The following MTDH variants were observed in gnomAD, a reference collection of about 807,000 sequenced individuals.
MTDH encodes metadherin.
In MTDH, 34 loss-of-function variants were observed where a neutral mutation model predicts 72.7. That is an observed-to-expected ratio of 0.47 (90% CI 0.36 to 0.62). The LOEUF is 0.62. Ranked by LOEUF, MTDH falls within the 20% of genes least tolerant of loss-of-function variation. The pLI, the probability that MTDH is intolerant of heterozygous loss-of-function variation, is 0.00. For synonymous variants in MTDH, 266 were observed against 268.9 expected, an observed-to-expected ratio of 0.99 and a Z score of 0.10; for missense variants, 677 against 699.4, an observed-to-expected ratio of 0.97 and a Z score of 0.36.
In MTDH at chr8:97,644,443, C is replaced by T. The variant is rs937590934; in HGVS notation, c.-64C>T. 1.3e-6 allele frequency: 2 copies of T among 1,510,112 alleles called. No individual in the cohort carries two copies. Among genetic ancestry groups the T allele is most frequent in the African/African-American group, 1.4e-5 (1 of 69,834 alleles). 93.5% of individuals were successfully genotyped at this position (1,510,112 alleles called of 1,614,324 possible). A position where few individuals can be genotyped will look rare whatever the true frequency, so the allele number is the denominator to read the frequency against. On this transcript the variant is annotated 5_prime_UTR_variant, in exon 1 of 12. Transcript: ENST00000336273. Reference sequence around the variant, plus strand: ...CGGCCCGGCCCTTCCTCGCTTCCCTCGACTATTCCACTGCGTCTCCGCGCC... The same window carrying T: ...CGGCCCGGCCCTTCCTCGCTTCCCTTGACTATTCCACTGCGTCTCCGCGCC...
intron 2 of MTDH, among the ~76,000 whole-genome samples, chr8:97,665,797 A>G (rs866390160): frequency 6.6e-6 from 1 of 152,220 alleles, no homozygotes; most frequent in Non-Finnish European, 1.5e-5. Context: ...ACTGGCAGCA[A>G]CATTGATGAT....
At chr8:97,655,111 T>G (rs1261096035) in intron 1 of MTDH, among the ~76,000 whole-genome samples, 1 of 151,958 alleles carries the variant, frequency 6.6e-6, no homozygotes, top group East Asian at 1.9e-4. Context: ...AAGAAAAAAA[T>G]AAAAATGAAA....
chr8:97,646,889 T>C (rs1287608977), intron 1 of MTDH, among the ~76,000 whole-genome samples: 2 of 152,212 alleles, frequency 1.3e-5, no homozygotes, highest in Non-Finnish European at 2.9e-5. Flanking sequence ...ATTTACAAAA[T>C]TGTGACTTTC....
chr8:97,709,677 G>T (rs1019832343), intron 8 of MTDH, among the ~76,000 whole-genome samples: 1 of 152,314 alleles, frequency 6.6e-6, no homozygotes, highest in Non-Finnish European at 1.5e-5. Context: ...TGTCATTTAT[G>T]TAACTTTTTA....
At chr8:97,650,707 T>C (rs1354819242) in intron 1 of MTDH, among the ~76,000 whole-genome samples, 3 of 152,146 alleles carry the variant, frequency 2.0e-5, no homozygotes. Context: ...TAGTGGAAAC[T>C]ATGGAATTGC....
At chr8:97,699,987 A>G (rs2131032425) in intron 7 of MTDH, 135 bp downstream of exon 7, 1 of 495,904 alleles carries the variant, frequency 2.0e-6, no homozygotes, top group East Asian at 3.2e-5. Flanking sequence ...TTAATACCAA[A>G]TGTACTACTT....
intron 6 of MTDH, among the ~76,000 whole-genome samples, chr8:97,694,811 T>C (rs867687316): frequency 4.0e-5 from 6 of 151,824 alleles, no homozygotes; most frequent in African/African-American, 1.2e-4. Context: ...TAATCCCAGC[T>C]ACTCGGGAGG....
chr8:97,660,108 G>A (rs915017028), intron 1 of MTDH, among the ~76,000 whole-genome samples: 1 of 151,936 alleles, frequency 6.6e-6, no homozygotes, highest in Non-Finnish European at 1.5e-5. Flanking sequence ...GCAGTGAGCC[G>A]AGATCACACC....
intron 2 of MTDH, among the ~76,000 whole-genome samples, chr8:97,672,971 G>C (rs370971560): frequency 3.3e-5 from 5 of 152,218 alleles, no homozygotes; most frequent in African/African-American, 1.2e-4. Context: ...AAATATAGTA[G>C]CTCAGAGGTT....
intron 7 of MTDH, 123 bp downstream of exon 7, chr8:97,699,975 A>T (rs924805983): frequency 2.6e-5 from 14 of 539,242 alleles, no homozygotes; most frequent in Admixed American, 1.0e-4. Context: ...TAAGAATATA[A>T]TTTAATACCA....
At chr8:97,696,910 G>A (rs1175328503) in intron 6 of MTDH, among the ~76,000 whole-genome samples, 13 of 151,190 alleles carry the variant, frequency 8.6e-5, no homozygotes, top group Admixed American at 7.9e-4. Context: ...TTGAGCCTAG[G>A]AGTTCAAGAC....
At chr8:97,701,134 A>G (rs546443037) in intron 7 of MTDH, among the ~76,000 whole-genome samples, 4 of 152,230 alleles carry the variant, frequency 2.6e-5, no homozygotes, top group South Asian at 4.1e-4. Flanking sequence ...ATAATGTGTC[A>G]TATCTGTTTT....
At chr8:97,674,295 T>C (rs545367711) in intron 2 of MTDH, among the ~76,000 whole-genome samples, 30 of 152,348 alleles carry the variant, frequency 2.0e-4, no homozygotes, top group African/African-American at 6.7e-4. Flanking sequence ...GGAATAACCT[T>C]GAATCTCCTT....
At chr8:97,714,784 G>A (rs1814788780) in intron 9 of MTDH, among the ~76,000 whole-genome samples, 1 of 151,778 alleles carries the variant, frequency 6.6e-6, no homozygotes, top group South Asian at 2.1e-4. Context: ...TCTAGGGTTA[G>A]CCCACATAGT....
intron 9 of MTDH, among the ~76,000 whole-genome samples, chr8:97,715,168 C>T (rs763926708): frequency 3.3e-5 from 5 of 150,636 alleles, no homozygotes; most frequent in Non-Finnish European, 5.9e-5. Context: ...CACTCTGTCA[C>T]CCCGGCTGGA....
At chr8:97,657,974 G>C (rs2130926386) in intron 1 of MTDH, among the ~76,000 whole-genome samples, 1 of 152,310 alleles carries the variant, frequency 6.6e-6, no homozygotes, top group South Asian at 2.1e-4. Flanking sequence ...TCCAGGGCAA[G>C]GCCTTCTCGA....
chr8:97,687,163 A>G (rs571082520), intron 3 of MTDH, among the ~76,000 whole-genome samples: 1 of 152,288 alleles, frequency 6.6e-6, no homozygotes, highest in East Asian at 1.9e-4. Flanking sequence ...GATAGACAAG[A>G]TGACTTATAT....
At chr8:97,684,650 A>G (rs995653992) in intron 2 of MTDH, among the ~76,000 whole-genome samples, 5 of 152,218 alleles carry the variant, frequency 3.3e-5, no homozygotes, top group Admixed American at 1.3e-4. Context: ...CAGATGTTCA[A>G]TATGTTACCT....
At chr8:97,696,034 G>GT (rs1225217331) in intron 6 of MTDH, among the ~76,000 whole-genome samples, 2 of 152,220 alleles carry the variant, frequency 1.3e-5, no homozygotes, top group African/African-American at 2.4e-5. Flanking sequence ...AGTGGTTGGT[G>GT]TAAGGGGCCC....
Sources: gnomAD v4.1 joint callset for allele counts (sites outside exome capture counted in the v4.1 genomes callset) on GRCh38, gnomAD v4.1.1 for gene constraint, MANE v1.5 for transcripts, NCBI Gene and HGNC (gene_info 2026-07-23, HGNC 2026-07-21) for gene names.